RMP24: variants seen among roughly 807,000 people sequenced by gnomAD.
RMP24 encodes the protein ribonuclease MRP subunit p24.
chr18:35,973,951 A>G, the RMP24 span: 1 of 152,520 alleles, frequency 6.6e-6, no homozygotes, highest in African/African-American at 2.4e-5. Flanking sequence ...TCTCTCCTGG[A>G]TTAATAAAAG....
At chr18:35,977,660 G>A in the RMP24 span, 2 of 1,531,138 alleles carry the variant, frequency 1.3e-6, no homozygotes, top group Admixed American at 2.0e-5. Flanking sequence ...CTAATTTCCT[G>A]TGTTTAATAT....
the RMP24 span, among the ~76,000 whole-genome samples, chr18:35,974,247 A>G: frequency 6.6e-6 from 1 of 152,058 alleles, no homozygotes; most frequent in Non-Finnish European, 1.5e-5. Flanking sequence ...CCCCCCTCCT[A>G]TCTTACTTTT....
chr18:35,972,867 T>C, the RMP24 span: 1 of 1,614,104 alleles, frequency 6.2e-7, no homozygotes, highest in Admixed American at 1.7e-5. Context: ...TCCTCACAAG[T>C]CTCTTTCTCT....
At chr18:35,973,703 T>A in the RMP24 span, 9 of 152,246 alleles carry the variant, frequency 5.9e-5, no homozygotes, top group African/African-American at 2.2e-4. Context: ...GGCGGATCAT[T>A]TGAGGCCAGG....
At chr18:35,978,813 G>A in the RMP24 span, 1 of 1,562,240 alleles carries the variant, frequency 6.4e-7, no homozygotes. Flanking sequence ...GTATAACTAA[G>A]TGTGGTTTTG....
chr18:35,976,410 T>A, the RMP24 span, among the ~76,000 whole-genome samples: 1 of 152,210 alleles, frequency 6.6e-6, no homozygotes, highest in Non-Finnish European at 1.5e-5. Context: ...TTTCATCTGC[T>A]CATGAACATC....
At chr18:35,973,040 C>T in the RMP24 span, 1 of 1,240,286 alleles carries the variant, frequency 8.1e-7, no homozygotes, top group East Asian at 2.5e-5. Flanking sequence ...CCGCATGTGT[C>T]TCGGTTTCGT....
chr18:35,977,078 A>C, the RMP24 span, among the ~76,000 whole-genome samples: 1 of 152,162 alleles, frequency 6.6e-6, no homozygotes, highest in African/African-American at 2.4e-5. Flanking sequence ...ATACAGAATT[A>C]GCCAGGCACA....
At chr18:35,979,054 T>G in the RMP24 span, 1 of 1,492,252 alleles carries the variant, frequency 6.7e-7, no homozygotes, top group South Asian at 1.3e-5. Flanking sequence ...AAACAACTTT[T>G]TAAACTCTTA....
chr18:35,978,589 C>T, the RMP24 span, among the ~76,000 whole-genome samples: 49 of 152,108 alleles, frequency 3.2e-4, no homozygotes, highest in African/African-American at 7.7e-4. Flanking sequence ...CCAGCCTGGG[C>T]GACAGAGCGA....
the RMP24 span, among the ~76,000 whole-genome samples, chr18:35,976,250 C>T: frequency 2.7e-5 from 4 of 147,434 alleles, no homozygotes; most frequent in Admixed American, 6.9e-5. Context: ...CCTGGGTTCA[C>T]GCCATTCTCC....
At chr18:35,972,725 G>A in the RMP24 span, 2 of 1,606,812 alleles carry the variant, frequency 1.2e-6, no homozygotes, top group Admixed American at 1.7e-5. Context: ...CAGCGGCGGC[G>A]GCGATGAGAC....
At chr18:35,975,213 A>G in the RMP24 span, 1 of 768,864 alleles carries the variant, frequency 1.3e-6, no homozygotes, top group Admixed American at 3.1e-5. Context: ...TATTTGGATT[A>G]TCAAAATATA....
the RMP24 span, among the ~76,000 whole-genome samples, chr18:35,978,647 T>A: frequency 2.0e-5 from 3 of 152,218 alleles, no homozygotes; most frequent in East Asian, 5.8e-4. Context: ...TAATACACTT[T>A]CTTGCCCTAA....
the RMP24 span, among the ~76,000 whole-genome samples, chr18:35,978,386 T>C: frequency 6.6e-6 from 1 of 152,180 alleles, no homozygotes; most frequent in Non-Finnish European, 1.5e-5. Flanking sequence ...TTTGGGAGGC[T>C]GAGGTGGGCG....
At chr18:35,977,279 C>G in the RMP24 span, 3 of 742,000 alleles carry the variant, frequency 4.0e-6, no homozygotes, top group Admixed American at 3.2e-5. Context: ...TCCCCAAGGA[C>G]AGCCTCTATT....
the RMP24 span, chr18:35,979,059 C>A: frequency 6.7e-7 from 1 of 1,484,294 alleles, no homozygotes; most frequent in Admixed American, 2.3e-5. Flanking sequence ...ACTTTTTAAA[C>A]TCTTATTCAT....
the RMP24 span, chr18:35,972,960 T>A: frequency 1.9e-6 from 3 of 1,609,160 alleles, no homozygotes; most frequent in Non-Finnish European, 2.6e-6. Flanking sequence ...CCCGCTTTCC[T>A]CTGTTCCGCA....
chr18:35,978,124 C>T, the RMP24 span, among the ~76,000 whole-genome samples: 1 of 152,236 alleles, frequency 6.6e-6, no homozygotes, highest in Non-Finnish European at 1.5e-5. Context: ...GTCAGGACTA[C>T]TGCAGTGATT....
Sources: allele counts gnomAD v4.1 joint callset (sites outside exome capture counted in the v4.1 genomes callset), GRCh38; gene constraint gnomAD v4.1.1; transcripts MANE v1.5; gene names NCBI Gene and HGNC (gene_info 2026-07-23, HGNC 2026-07-21).